The following COPG2 variants were observed in gnomAD, a reference collection of about 807,000 sequenced individuals.
COPG2 encodes coat protein complex I subunit gamma 2.
A neutral mutation model predicts 46.3 loss-of-function variants in COPG2; 37 were observed. That is an observed-to-expected ratio of 0.80 (90% CI 0.61 to 1.05). COPG2 has a LOEUF of 1.05. Ranked by LOEUF, COPG2 falls within the 50% of genes least tolerant of loss-of-function variation. The probability of loss-of-function intolerance (pLI) is 0.00; values close to 1 mark genes in which losing one functional copy is unlikely to be tolerated. For synonymous variants in COPG2, 159 were observed against 129.7 expected, an observed-to-expected ratio of 1.23 and a Z score of -1.53; for missense variants, 427 against 387.8, an observed-to-expected ratio of 1.10 and a Z score of -0.85.
At chr7:130,512,294 A>G (rs1477641775) in intron 20 of COPG2, among the ~76,000 whole-genome samples, 2 of 151,686 alleles carry the variant, frequency 1.3e-5, no homozygotes, top group Non-Finnish European at 2.9e-5. Flanking sequence ...CCTGGGCAAC[A>G]AGAGCAAAAC....
intron 9 of COPG2, among the ~76,000 whole-genome samples, chr7:130,590,082 G>A (rs1329715262): frequency 6.6e-6 from 1 of 152,002 alleles, no homozygotes; most frequent in Non-Finnish European, 1.5e-5. Flanking sequence ...GTTTTAACTA[G>A]ATGAAAATTT....
At chr7:130,547,119 T>C (rs1376667070) in intron 20 of COPG2, 1 of 152,222 alleles carries the variant, frequency 6.6e-6, no homozygotes. Flanking sequence ...CTGCAAAGAC[T>C]GCATATGGGT....
intron 5 of COPG2, among the ~76,000 whole-genome samples, chr7:130,624,503 T>C (rs573949436): frequency 6.6e-6 from 1 of 152,200 alleles, no homozygotes; most frequent in Non-Finnish European, 1.5e-5. Flanking sequence ...TCTGAGATTT[T>C]AGTGCACCCA....
rs1432455963 is a variant in COPG2 at position 130,580,590 on chromosome 7, G to A, written c.738-16197C>T. Among the ~76,000 whole-genome samples, 279 of 122,034 alleles carry A rather than the reference G, an allele frequency of 2.3e-3. 1 individual carries two copies. Among genetic ancestry groups the A allele is most frequent in the African/African-American group, 9.2e-3 (267 of 29,114 alleles). The allele number at this position is 122,034 out of a possible 152,430, so 80.1% of individuals were successfully genotyped here. On this transcript the variant is annotated intron_variant, in intron 9 of 23. Transcript: ENST00000425248. ...TTTGAAAGGATCAACAAAATTGATA[G>A]ACCGCTAGCAAGACTAATAAAGAAA...
intron 9 of COPG2, among the ~76,000 whole-genome samples, chr7:130,606,106 G>A (rs1794723461): frequency 6.6e-6 from 1 of 152,032 alleles, no homozygotes; most frequent in Non-Finnish European, 1.5e-5. Flanking sequence ...GATGCCTATA[G>A]TTCCAGCTAC....
Position 130,653,755 on chromosome 7 carries a change from A to G in COPG2, c.244-807T>C, listed in dbSNP as rs1447136294. Among the ~76,000 whole-genome samples, 3 of 152,308 alleles carry G rather than the reference A, an allele frequency of 2.0e-5. No individual in the cohort carries two copies. In the East Asian group the frequency reaches 5.8e-4, roughly 29 times the overall value. ...AGAGAAACCCAAATACATCAGACGC[A>G]GCTCCAGAGTCCAAGCTATGGAGAA... On this transcript the variant is annotated intron_variant, in intron 4 of 23. Coordinates refer to ENST00000425248, the MANE Select transcript of COPG2 (RefSeq NM_012133.6).
intron 9 of COPG2, among the ~76,000 whole-genome samples, chr7:130,596,998 A>G (rs903821582): frequency 9.2e-5 from 14 of 152,212 alleles, no homozygotes; most frequent in Admixed American, 7.9e-4. Context: ...CTGAAGTAGC[A>G]TATGTATTAA....
intron 20 of COPG2, among the ~76,000 whole-genome samples, chr7:130,516,559 A>G (rs1447835180): frequency 6.6e-6 from 1 of 152,226 alleles, no homozygotes; most frequent in African/African-American, 2.4e-5. Context: ...AGGAGAGAAC[A>G]AAAGATGGAG....
intron 5 of COPG2, among the ~76,000 whole-genome samples, chr7:130,636,266 TTC>T (rs1300723926): frequency 1.3e-5 from 2 of 152,140 alleles, no homozygotes; most frequent in Non-Finnish European, 2.9e-5. Flanking sequence ...CTTGTTAATT[TTC>T]TGTTTCGTTG....
intron 9 of COPG2, chr7:130,604,861 T>C (rs1794699684): frequency 2.4e-6 from 1 of 413,430 alleles, no homozygotes; most frequent in Admixed American, 3.2e-5. Flanking sequence ...GTGGCAGAGA[T>C]TTCAATCATG....
At chr7:130,551,417 A>G in intron 15 of COPG2, 73 bp from the exon 16 acceptor site, 1 of 396,922 alleles carries the variant, frequency 2.5e-6, no homozygotes, top group Non-Finnish European at 4.4e-6. Context: ...CCAAATCTAA[A>G]GGACACAGCT....
At chr7:130,603,809 G>T (rs1554450781) in intron 9 of COPG2, 2 of 518,368 alleles carry the variant, frequency 3.9e-6, no homozygotes, top group Non-Finnish European at 7.7e-6. Flanking sequence ...CGAACAACAT[G>T]GGGTTAACAG....
chr7:130,580,063 CA>C (rs1794102358), intron 9 of COPG2, among the ~76,000 whole-genome samples: 2 of 151,360 alleles, frequency 1.3e-5, no homozygotes, highest in South Asian at 4.2e-4. Context: ...CACCACACCA[CA>C]CCTATTCCAA....
At chr7:130,507,542 T>TC (rs1554440353) in intron 22 of COPG2, 143 bp downstream of exon 22, 2 of 658,716 alleles carry the variant, frequency 3.0e-6, no homozygotes, top group Non-Finnish European at 5.5e-6. Context: ...ATCAATTAGA[T>TC]GATGAAGACA....
chr7:130,534,350 T>A (rs1032145393), intron 20 of COPG2, among the ~76,000 whole-genome samples: 418 of 152,210 alleles, frequency 2.7e-3, no homozygotes, highest in South Asian at 5.8e-3. Flanking sequence ...GAAAGATGCT[T>A]ATAAAATGGC....
intron 5 of COPG2, among the ~76,000 whole-genome samples, chr7:130,631,308 C>T (rs560475577): frequency 1.3e-5 from 2 of 151,906 alleles, no homozygotes; most frequent in South Asian, 4.2e-4. Context: ...CAGGCACGTG[C>T]CATCACACCT....
At chr7:130,623,211 C>T (rs1184795090) in intron 5 of COPG2, among the ~76,000 whole-genome samples, 1 of 152,166 alleles carries the variant, frequency 6.6e-6, no homozygotes, top group East Asian at 1.9e-4. Context: ...GAGTTAAATG[C>T]TTCTGTCTTT....
intron 11 of COPG2, among the ~76,000 whole-genome samples, chr7:130,562,286 G>A (rs1793732309): frequency 6.6e-6 from 1 of 152,188 alleles, no homozygotes; most frequent in Non-Finnish European, 1.5e-5. Context: ...TTGAACCTGG[G>A]AGGCGGAGGT....
chr7:130,562,589 A>G (rs1043155491), intron 11 of COPG2, among the ~76,000 whole-genome samples: 1 of 152,308 alleles, frequency 6.6e-6, no homozygotes, highest in East Asian at 1.9e-4. Context: ...GTCTAATAAC[A>G]TAGCCAACAG....
Sources: gnomAD v4.1 joint callset for allele counts (sites outside exome capture counted in the v4.1 genomes callset) on GRCh38, gnomAD v4.1.1 for gene constraint, MANE v1.5 for transcripts, NCBI Gene and HGNC (gene_info 2026-07-23, HGNC 2026-07-21) for gene names.